The following CAMSAP1 variants were observed in gnomAD, a reference collection of about 807,000 sequenced individuals.
CAMSAP1 encodes calmodulin-regulated spectrin-associated protein 1.
A neutral mutation model predicts 143.5 loss-of-function variants in CAMSAP1; 58 were observed. That is an observed-to-expected ratio of 0.40 (90% CI 0.33 to 0.50). CAMSAP1 has a LOEUF of 0.50. Ranked by LOEUF, CAMSAP1 falls within the 20% of genes least tolerant of loss-of-function variation. CAMSAP1 has a pLI of 0.45. For synonymous variants in CAMSAP1, 945 were observed against 859.3 expected (o/e 1.10, Z -1.74); for missense variants, 1,969 against 2,115.7 (o/e 0.93, Z 1.36).
chr9:135,815,824 G>T (rs1835209201), intron 15 of CAMSAP1, 66 bp downstream of exon 15: 2 of 1,286,638 alleles, frequency 1.6e-6, no homozygotes, highest in Non-Finnish European at 2.2e-6. Flanking sequence ...AACAGATATT[G>T]AAAGAGCCAC....
chr9:135,864,178 A>G (rs2130937590), intron 4 of CAMSAP1, among the ~76,000 whole-genome samples: 1 of 152,324 alleles, frequency 6.6e-6, no homozygotes, highest in Non-Finnish European at 1.5e-5. Flanking sequence ...ACCCTTGGTA[A>G]CATGTTTCTG....
intron 1 of CAMSAP1, among the ~76,000 whole-genome samples, chr9:135,890,733 TC>T (rs1363239334): frequency 6.6e-6 from 1 of 152,032 alleles, no homozygotes; most frequent in African/African-American, 2.4e-5. Context: ...CAACGGAAAC[TC>T]CCCCTGGGAA....
chr9:135,811,437 C>T lies in CAMSAP1; in HGVS notation c.4681G>A (p.Asp1561Asn). The change falls in exon 17 of 17, where the codon GAC becomes AAC. Residue 1561 changes from aspartate to asparagine, a missense_variant. Around this residue, in one of 4 missense-constraint regions of CAMSAP1, gnomAD observed 143 missense variants for 200.6 expected, o/e 0.71. Transcript: ENST00000389532. This position sits in a 1 kb window ranked among gnomAD's most constrained non-coding sequence, Gnocchi z 4.9. ...MIDKLYKYSS[D>N]RKQFNLIPAK... ...GGGATCAAGTTAAACTGTTTTCGGT[C>T]TGAGCTGTATTTATACAGTTTGTCG... The T allele has an allele frequency of 6.2e-7, 1 of 1,612,710 alleles. No individual in the cohort carries two copies. Among genetic ancestry groups the T allele is most frequent in the Non-Finnish European group, 8.5e-7 (1 of 1,179,300 alleles).
At chr9:135,825,186 A>G (rs1367844965) in intron 8 of CAMSAP1, among the ~76,000 whole-genome samples, 1 of 152,198 alleles carries the variant, frequency 6.6e-6, no homozygotes, top group African/African-American at 2.4e-5. Flanking sequence ...AGCAAAAGTA[A>G]AAAGAAAAAG....
chr9:135,885,252 C>T lies in CAMSAP1; in HGVS notation c.161-2174G>A, dbSNP rs187573555. 3.5e-4 allele frequency among the ~76,000 whole-genome samples: 53 copies of T among 152,340 alleles called. No individual in the cohort carries two copies. In the East Asian group the frequency reaches 9.1e-3, roughly 26 times the overall value. Reference sequence around the variant, plus strand: ...CTCATGGCTAGAAATACCACAGACACACAGTCATCCCCAAATGTACATTTC... The same window carrying T: ...CTCATGGCTAGAAATACCACAGACATACAGTCATCCCCAAATGTACATTTC... On this transcript the variant is annotated intron_variant, in intron 1 of 16. Coordinates refer to ENST00000389532, the MANE Select transcript of CAMSAP1 (RefSeq NM_015447.4).
chr9:135,887,420 G>A (rs1381475530), intron 1 of CAMSAP1, among the ~76,000 whole-genome samples: 1 of 152,192 alleles, frequency 6.6e-6, no homozygotes, highest in Non-Finnish European at 1.5e-5. Flanking sequence ...AAGGAAGTGA[G>A]AACAGCGGGA....
rs193021203 is a variant in CAMSAP1, at chr9:135,879,724, G to A, written c.585+1909C>T. 3.9e-3 allele frequency among the ~76,000 whole-genome samples: 588 copies of A among 151,936 alleles called. 2 individuals carry two copies. The highest frequency in any genetic ancestry group is 0.013 in the African/African-American group (545 of 41,426). On this transcript the variant is annotated intron_variant, in intron 3 of 16. Transcript: ENST00000389532. Reference sequence around the variant, plus strand: ...TTAAATATGAACAACCATTCCCCTCGCAGGAACGTGGCCTGAGGGAAATCA... The same window carrying A: ...TTAAATATGAACAACCATTCCCCTCACAGGAACGTGGCCTGAGGGAAATCA...
Position 135,811,085 on chromosome 9 carries a change from C to G in CAMSAP1, c.*224G>C, listed in dbSNP as rs1835033420. 3 of 590,538 alleles carry G rather than the reference C, an allele frequency of 5.1e-6. No homozygotes were observed. The South Asian group carries it at 6.2e-5, about 12-fold the overall frequency. 36.6% of individuals were successfully genotyped at this position (590,538 alleles called of 1,614,324 possible). A position where few individuals can be genotyped will look rare whatever the true frequency, so the allele number is the denominator to read the frequency against. On this transcript the variant is annotated 3_prime_UTR_variant, in exon 17 of 17. Transcript: ENST00000389532. The surrounding 1 kb of genome is among the most constrained non-coding windows in gnomAD (Gnocchi z 4.9). ...CCACTGCAAAAGCGGCATCTACTCCCCCATCCTCACCCTGCCTGGCATCCT... is the reference window on the plus strand; with the variant it reads ...CCACTGCAAAAGCGGCATCTACTCCGCCATCCTCACCCTGCCTGGCATCCT...
At chr9:135,899,431 AAAAAGTCCAAAAC>A (rs1838553906) in intron 1 of CAMSAP1, among the ~76,000 whole-genome samples, 1 of 151,796 alleles carries the variant, frequency 6.6e-6, no homozygotes, top group Non-Finnish European at 1.5e-5. Flanking sequence ...AAAAAAAAAA[AAAAAGTCCAAAAC>A]AAAAGTCTTC....
chr9:135,885,309 T>A (rs1409840901), intron 1 of CAMSAP1, among the ~76,000 whole-genome samples: 1 of 152,200 alleles, frequency 6.6e-6, no homozygotes, highest in Non-Finnish European at 1.5e-5. Context: ...ACTGCCTATC[T>A]GACATCTCCA....
At chr9:135,855,024 C>A (rs1393131531) in intron 5 of CAMSAP1, among the ~76,000 whole-genome samples, 1 of 151,724 alleles carries the variant, frequency 6.6e-6, no homozygotes, top group Non-Finnish European at 1.5e-5. Flanking sequence ...TGGAGCTTCA[C>A]TCTGTCACCC....
Position 135,901,805 on chromosome 9 carries a change from C to T in CAMSAP1, c.160+5195G>A, listed in dbSNP as rs140901512. 4.4e-3 allele frequency among the ~76,000 whole-genome samples: 677 copies of T among 152,300 alleles called. 3 individuals are homozygous for T. Among genetic ancestry groups the T allele is most frequent in the Non-Finnish European group, 7.2e-3 (490 of 68,022 alleles). On this transcript the variant is annotated intron_variant, in intron 1 of 16. Transcript: ENST00000389532. ...AGGCGAACATCATCAAAGAAATCCC[C>T]AGCCAACCTGAGCACCATAAACAAT...
chr9:135,832,630 T>C (rs377367925), intron 7 of CAMSAP1, among the ~76,000 whole-genome samples: 2 of 152,138 alleles, frequency 1.3e-5, no homozygotes, highest in Non-Finnish European at 2.9e-5. Flanking sequence ...GTCCTACACA[T>C]AGAAAATCCT....
At chr9:135,847,425 C>A (rs1412932487) in intron 7 of CAMSAP1, among the ~76,000 whole-genome samples, 1 of 152,000 alleles carries the variant, frequency 6.6e-6, no homozygotes, top group Non-Finnish European at 1.5e-5. Flanking sequence ...ATGTTTACTG[C>A]AGCACTATTC....
At chr9:135,843,847 C>T (rs1836451528) in intron 7 of CAMSAP1, among the ~76,000 whole-genome samples, 1 of 141,098 alleles carries the variant, frequency 7.1e-6, no homozygotes, top group Admixed American at 7.6e-5. Flanking sequence ...GCTCTCCAAC[C>T]TGGGCGACAG....
intron 1 of CAMSAP1, among the ~76,000 whole-genome samples, chr9:135,901,680 T>C (rs1445724128): frequency 1.3e-5 from 2 of 152,046 alleles, no homozygotes; most frequent in African/African-American, 4.8e-5. Flanking sequence ...AACTCTCAGG[T>C]AGAACACCTG....
At chr9:135,873,164 C>G (rs774507524) in intron 3 of CAMSAP1, among the ~76,000 whole-genome samples, 11 of 152,124 alleles carry the variant, frequency 7.2e-5, no homozygotes, top group Non-Finnish European at 1.5e-4. Context: ...GAAACCACAA[C>G]ACAAAAAGCT....
intron 3 of CAMSAP1, among the ~76,000 whole-genome samples, chr9:135,878,421 A>C (rs1431622959): frequency 6.6e-6 from 1 of 152,192 alleles, no homozygotes; most frequent in Admixed American, 6.5e-5. Flanking sequence ...TGAGAAGCTG[A>C]AATCTGCACT....
At chr9:135,898,677 C>T (rs1838527222) in intron 1 of CAMSAP1, among the ~76,000 whole-genome samples, 1 of 152,104 alleles carries the variant, frequency 6.6e-6, no homozygotes, top group African/African-American at 2.4e-5. Flanking sequence ...AGATACAACC[C>T]ACCTACTTAC....
Sources: allele counts gnomAD v4.1 joint callset (sites outside exome capture counted in the v4.1 genomes callset), GRCh38; gene constraint gnomAD v4.1.1; regional missense constraint gnomAD v4.1.1; non-coding constraint Gnocchi (gnomAD v3.1); transcripts MANE v1.5; gene names NCBI Gene and HGNC (gene_info 2026-07-23, HGNC 2026-07-21).